Variants in TRHDE observed in about 807,000 individuals in gnomAD.
The protein encoded by TRHDE is thyrotropin-releasing hormone-degrading ectoenzyme.
TRHDE carries 72 observed loss-of-function variants against 125.7 expected under a neutral mutation model. The ratio of observed to expected loss-of-function variants is 0.57; its 90% CI spans 0.47 to 0.70. The LOEUF (loss-of-function observed/expected upper bound fraction) is 0.70. TRHDE is among the 30% of genes least tolerant of loss of function. TRHDE has a pLI of 0.00. For synonymous variants in TRHDE, 509 were observed against 509.1 expected (o/e 1.00, Z 0.00); for missense variants, 1,110 against 1,327.1 (o/e 0.84, Z 2.54).
chr12:72,202,560 A>G (rs1877581008), intron 2 of TRHDE, among the ~76,000 whole-genome samples: 1 of 152,160 alleles, frequency 6.6e-6, no homozygotes, highest in Non-Finnish European at 1.5e-5. Context: ...ATATTTCTGC[A>G]TTATCCTTTC....
intron 12 of TRHDE, among the ~76,000 whole-genome samples, chr12:72,603,832 G>A (rs1377652254): frequency 6.6e-6 from 1 of 151,876 alleles, no homozygotes; most frequent in Non-Finnish European, 1.5e-5. Context: ...CTCACTCAAA[G>A]GGATTAACAC....
At chr12:72,287,089 G>A (rs539289929) in intron 2 of TRHDE, 135 bp downstream of exon 2, 5 of 984,172 alleles carry the variant, frequency 5.1e-6, no homozygotes, top group Admixed American at 3.0e-5. Context: ...ATTCTTATGG[G>A]GGGGTTTTTA....
At chr12:72,221,162 A>G (rs1877991281) in intron 2 of TRHDE, among the ~76,000 whole-genome samples, 1 of 152,108 alleles carries the variant, frequency 6.6e-6, no homozygotes. Flanking sequence ...GTAGTTATAA[A>G]CAGACAATAC....
intron 10 of TRHDE, 41 bp from the exon 11 acceptor site, chr12:72,575,214 C>T: frequency 6.3e-7 from 1 of 1,597,982 alleles, no homozygotes; most frequent in South Asian, 1.1e-5. Context: ...TTCATTTTAA[C>T]TCTTAAAGTT....
At chr12:72,571,715 G>T (rs1426065979) in intron 10 of TRHDE, among the ~76,000 whole-genome samples, 1 of 152,010 alleles carries the variant, frequency 6.6e-6, no homozygotes, top group Non-Finnish European at 1.5e-5. Context: ...TGTTAGGAAA[G>T]AAAATATTAA....
intron 3 of TRHDE, among the ~76,000 whole-genome samples, chr12:72,450,836 A>G (rs1875534935): frequency 6.6e-6 from 1 of 152,056 alleles, no homozygotes; most frequent in South Asian, 2.1e-4. Flanking sequence ...TGTAGTAGCC[A>G]TTCTAACAGG....
At chr12:72,569,462 T>A (rs1870616934) in intron 10 of TRHDE, among the ~76,000 whole-genome samples, 1 of 152,184 alleles carries the variant, frequency 6.6e-6, no homozygotes, top group African/African-American at 2.4e-5. Context: ...AAGCCTTAGT[T>A]TAAAAAGCCA....
intron 2 of TRHDE, among the ~76,000 whole-genome samples, chr12:72,131,216 C>T (rs1363838801): frequency 1.3e-5 from 2 of 151,664 alleles, no homozygotes; most frequent in Non-Finnish European, 2.9e-5. Context: ...GGACTACAGG[C>T]GCCCGCCACC....
At chr12:72,137,851 T>A (rs1876018424) in intron 2 of TRHDE, among the ~76,000 whole-genome samples, 1 of 152,128 alleles carries the variant, frequency 6.6e-6, no homozygotes, top group African/African-American at 2.4e-5. Context: ...AAGAGCCAAG[T>A]TCTGTAAAAG....
chr12:72,131,882 C>T (rs1875874747), intron 2 of TRHDE, among the ~76,000 whole-genome samples: 1 of 152,138 alleles, frequency 6.6e-6, no homozygotes, highest in Non-Finnish European at 1.5e-5. Flanking sequence ...AAGCATGTTC[C>T]CCCTACAAGG....
chr12:72,646,398 AG>A (rs1874282411), intron 15 of TRHDE, among the ~76,000 whole-genome samples: 1 of 152,076 alleles, frequency 6.6e-6, no homozygotes. Context: ...ACTCAAAAAA[AG>A]GAAGATGGCA....
chr12:72,280,927 A>G (rs556088418), intron 1 of TRHDE, among the ~76,000 whole-genome samples: 130 of 152,320 alleles, frequency 8.5e-4, no homozygotes, highest in African/African-American at 3.0e-3. Flanking sequence ...TGAATCTCAG[A>G]CACGAATTTT....
intron 18 of TRHDE, among the ~76,000 whole-genome samples, chr12:72,658,601 A>G (rs1223387167): frequency 6.6e-6 from 1 of 152,278 alleles, no homozygotes; most frequent in Non-Finnish European, 1.5e-5. Context: ...TATTTTAGAC[A>G]TTTAATTGAT....
intron 2 of TRHDE, among the ~76,000 whole-genome samples, chr12:72,339,226 T>C (rs1217373696): frequency 6.6e-6 from 1 of 152,220 alleles, no homozygotes; most frequent in Non-Finnish European, 1.5e-5. Flanking sequence ...TTACACAGTT[T>C]AATTTCTACT....
intron 2 of TRHDE, among the ~76,000 whole-genome samples, chr12:72,360,833 T>C (rs1434322639): frequency 6.6e-6 from 1 of 151,844 alleles, no homozygotes; most frequent in Non-Finnish European, 1.5e-5. Flanking sequence ...TAAAATTTAA[T>C]GTAATTTTAA....
chr12:72,344,397 G>T (rs1281744415), intron 2 of TRHDE, among the ~76,000 whole-genome samples: 2 of 152,142 alleles, frequency 1.3e-5, no homozygotes, highest in Non-Finnish European at 1.5e-5. Context: ...TACAAAAAAG[G>T]TTTATTAATC....
At chr12:72,554,203 G>A (rs1336865755) in intron 7 of TRHDE, among the ~76,000 whole-genome samples, 2 of 152,036 alleles carry the variant, frequency 1.3e-5, no homozygotes, top group Non-Finnish European at 2.9e-5. Context: ...CTCTTGGAGG[G>A]AAGATTGAAG....
chr12:72,662,154 C>T (rs1874943978), intron 18 of TRHDE, among the ~76,000 whole-genome samples: 1 of 152,136 alleles, frequency 6.6e-6, no homozygotes, highest in Non-Finnish European at 1.5e-5. Context: ...TGGTGCCCAC[C>T]ATATGATGAA....
Position 72,208,863 on chromosome 12 carries a change from G to A in TRHDE, n.279+103111G>A, listed in dbSNP as rs575533547. Among the ~76,000 whole-genome samples the A allele has an allele frequency of 7.9e-5, 12 of 152,226 alleles. No individual in the cohort carries two copies. The East Asian group carries it at 2.3e-3, about 29-fold the overall frequency. ...GCCACGATCAACATTTCTGAATCCG[G>A]AGACAGTTGTGTTCAGCAGGTTGTT... On this transcript the variant is annotated intron_variant and non_coding_transcript_variant, in intron 2 of 4. Coordinates refer to the TRHDE transcript ENST00000548156.
Sources: allele counts gnomAD v4.1 joint callset (sites outside exome capture counted in the v4.1 genomes callset), GRCh38; gene constraint gnomAD v4.1.1; transcripts MANE v1.5; gene names NCBI Gene and HGNC (gene_info 2026-07-23, HGNC 2026-07-21).